SPOCK1: variants seen among roughly 807,000 people sequenced by gnomAD.
SPOCK1 encodes the protein SPARC (osteonectin), cwcv and kazal like domains proteoglycan 1.
SPOCK1 carries 23 observed loss-of-function variants against 55.3 expected under a neutral mutation model. The observed-to-expected ratio is 0.42, with a 90% CI of 0.30 to 0.59. The LOEUF (loss-of-function observed/expected upper bound fraction) is 0.59, where lower values mean the gene tolerates loss of function less well. Among genes scored for constraint, SPOCK1 ranks in the 20% least tolerant of loss-of-function variants. SPOCK1 has a pLI of 0.22. For synonymous variants in SPOCK1, 226 were observed against 221.0 expected (o/e 1.02, Z -0.20); for missense variants, 499 against 552.5 (o/e 0.90, Z 0.97).
In SPOCK1 at chr5:137,271,854, C is replaced by CATTTCTCAT. The variant is rs1756971470; in HGVS notation, c.187-4800_187-4799insATGAGAAAT. 7.2e-5 allele frequency among the ~76,000 whole-genome samples: 11 copies of CATTTCTCAT among 152,214 alleles called. No homozygotes were observed. The South Asian group carries it at 2.3e-3, about 32-fold the overall frequency. Reference sequence around the variant, plus strand: ...CACATTTAGTTCTCATGAAACCGATCGTTTCTCCTTCATACATATTTTAGC... The same window carrying CATTTCTCAT: ...CACATTTAGTTCTCATGAAACCGATCATTTCTCATGTTTCTCCTTCATACATATTTTAGC... On this transcript the variant is annotated intron_variant, in intron 2 of 10. Transcript: ENST00000394945.
chr5:137,230,919 C>T (rs189001414), intron 3 of SPOCK1, among the ~76,000 whole-genome samples: 80 of 130,770 alleles, frequency 6.1e-4, no homozygotes, highest in African/African-American at 2.3e-3. Context: ...TGTATTTGCA[C>T]TATTTGTGTA....
intron 6 of SPOCK1, among the ~76,000 whole-genome samples, chr5:137,040,169 G>A (rs1363494918): frequency 1.3e-5 from 2 of 152,234 alleles, no homozygotes; most frequent in East Asian, 3.9e-4. Context: ...TCTGAGCCTG[G>A]AGCAAAAGGA....
intron 2 of SPOCK1, among the ~76,000 whole-genome samples, chr5:137,268,755 G>A (rs1756905986): frequency 6.6e-6 from 1 of 152,192 alleles, no homozygotes; most frequent in African/African-American, 2.4e-5. Context: ...CCTTCCAACT[G>A]TGGTTTATCA....
At chr5:137,379,516 T>C (rs1343248432) in intron 2 of SPOCK1, among the ~76,000 whole-genome samples, 2 of 149,788 alleles carry the variant, frequency 1.3e-5, no homozygotes, top group Non-Finnish European at 3.0e-5. Context: ...TAACAAGATC[T>C]CTTAATACCC....
intron 2 of SPOCK1, among the ~76,000 whole-genome samples, chr5:137,309,822 C>T (rs962344779): frequency 6.6e-6 from 1 of 152,040 alleles, no homozygotes; most frequent in Non-Finnish European, 1.5e-5. Flanking sequence ...ATCATGCCTC[C>T]CAAGTAGGAG....
chr5:136,981,286 CT>C, intron 9 of SPOCK1, among the ~76,000 whole-genome samples: 2 of 152,178 alleles, frequency 1.3e-5, no homozygotes, highest in Non-Finnish European at 2.9e-5. Flanking sequence ...AGCCTTTTTA[CT>C]TCTTCATATT....
At chr5:137,250,578 A>G (rs1287238347) in intron 3 of SPOCK1, among the ~76,000 whole-genome samples, 2 of 152,116 alleles carry the variant, frequency 1.3e-5, no homozygotes, top group African/African-American at 4.8e-5. Context: ...CCTCAGCTAC[A>G]TCCTCCCCAC....
chr5:137,045,156 C>A (rs539853695), intron 6 of SPOCK1, among the ~76,000 whole-genome samples: 1 of 151,176 alleles, frequency 6.6e-6, no homozygotes, highest in Non-Finnish European at 1.5e-5. Context: ...TAGGTATATA[C>A]CCAGTAATGG....
At chr5:137,319,869 C>CG (rs1223326672) in intron 2 of SPOCK1, among the ~76,000 whole-genome samples, 2 of 150,194 alleles carry the variant, frequency 1.3e-5, no homozygotes, top group African/African-American at 4.9e-5. Context: ...GGCGTGAACC[C>CG]GGGAAGCGGA....
At chr5:137,093,345 A>G (rs1753081745) in intron 5 of SPOCK1, among the ~76,000 whole-genome samples, 1 of 152,198 alleles carries the variant, frequency 6.6e-6, no homozygotes, top group African/African-American at 2.4e-5. Flanking sequence ...GGACTAAAAT[A>G]AATCCAATGG....
rs531676132 is a variant in SPOCK1, at chr5:137,130,808, T to C, written c.347+9772A>G. 7.1e-4 allele frequency among the ~76,000 whole-genome samples: 108 copies of C among 152,332 alleles called. 1 individual carries two copies. Among genetic ancestry groups the C allele is most frequent in the African/African-American group, 2.5e-3 (102 of 41,576 alleles). ...GCTGAGAGGAGAACTTCTCATTACT[T>C]GCAGCACAGCAACATTGGGTTCAAT... On this transcript the variant is annotated intron_variant, in intron 4 of 10. Coordinates refer to ENST00000394945, the MANE Select transcript of SPOCK1 (RefSeq NM_004598.4).
Position 137,025,003 on chromosome 5 carries a change from C to G in SPOCK1, c.590-32403G>C, listed in dbSNP as rs539667731. ...ATTATGCGAAGGGATGTAAACCAGT[C>G]ACAGAAGGATACATACTGCATGATT... On this transcript the variant is annotated intron_variant, in intron 6 of 10. Transcript: ENST00000394945. 4.6e-5 allele frequency among the ~76,000 whole-genome samples: 7 copies of G among 152,250 alleles called. No homozygotes were observed. The East Asian group carries it at 1.4e-3, about 30-fold the overall frequency.
chr5:137,444,898 A>C (rs532945836), intron 2 of SPOCK1, among the ~76,000 whole-genome samples: 50 of 152,308 alleles, frequency 3.3e-4, no homozygotes, highest in African/African-American at 1.2e-3. Flanking sequence ...CACATGACAC[A>C]AACCCAGCTA....
At chr5:137,019,161 C>A (rs983696684) in intron 6 of SPOCK1, among the ~76,000 whole-genome samples, 3 of 152,168 alleles carry the variant, frequency 2.0e-5, no homozygotes, top group African/African-American at 7.2e-5. Flanking sequence ...TCCTTAAAAT[C>A]ATTTTGATTA....
At chr5:137,306,652 G>T (rs189659264) in intron 2 of SPOCK1, among the ~76,000 whole-genome samples, 4 of 151,252 alleles carry the variant, frequency 2.6e-5, no homozygotes, top group Admixed American at 6.6e-5. Context: ...ATAACATATG[G>T]GGAAATTTTA....
At chr5:137,191,414 G>A (rs17777729) in intron 3 of SPOCK1, among the ~76,000 whole-genome samples, 3,627 of 151,430 alleles carry the variant, frequency 0.024, 69 homozygotes, top group Non-Finnish European at 0.036. Context: ...GCTGTATGAT[G>A]GAAATTCTGT....
At chr5:136,981,851 T>A (rs925224471) in intron 9 of SPOCK1, among the ~76,000 whole-genome samples, 14 of 152,230 alleles carry the variant, frequency 9.2e-5, no homozygotes, top group African/African-American at 3.4e-4. Context: ...TGGCTATAAT[T>A]CGCCCTTACA....
At chr5:137,426,657 C>T (rs1490941197) in intron 2 of SPOCK1, among the ~76,000 whole-genome samples, 4 of 152,130 alleles carry the variant, frequency 2.6e-5, no homozygotes, top group Admixed American at 2.6e-4. Flanking sequence ...TACCTATAGG[C>T]CTTGCTCTAA....
intron 3 of SPOCK1, 85 bp from the exon 4 acceptor site, chr5:137,140,779 G>C: frequency 1.3e-6 from 1 of 758,806 alleles, no homozygotes; most frequent in Non-Finnish European, 1.9e-6. Flanking sequence ...TTTTTGTTGA[G>C]ACGGACTCTC....
Sources: allele counts gnomAD v4.1 joint callset (sites outside exome capture counted in the v4.1 genomes callset), GRCh38; gene constraint gnomAD v4.1.1; transcripts MANE v1.5; gene names NCBI Gene and HGNC (gene_info 2026-07-23, HGNC 2026-07-21).